Variants in ACTR3C observed in about 807,000 individuals in gnomAD.
The protein encoded by ACTR3C is actin related protein 3C.
ACTR3C carries 18 observed loss-of-function variants against 26.3 expected under a neutral mutation model. The ratio of observed to expected loss-of-function variants is 0.68; its 90% CI spans 0.47 to 1.01. The LOEUF (loss-of-function observed/expected upper bound fraction) is 1.01, where lower values mean the gene tolerates loss of function less well. ACTR3C is among the 50% of genes least tolerant of loss of function. The pLI is 0.00. For missense variants in ACTR3C, 184 were observed against 250.7 expected (o/e 0.73, Z 1.80); for synonymous variants, 55 against 94.5 (o/e 0.58, Z 2.42).
At chr7:149,978,592 A>C in the ACTR3C span, among the ~76,000 whole-genome samples, 28 of 152,360 alleles carry the variant, frequency 1.8e-4, no homozygotes, top group African/African-American at 6.7e-4. Context: ...TATGTCCCAG[A>C]AATGAATGAA....
At chr7:150,270,619 C>T (rs565986724) in intron 6 of ACTR3C, among the ~76,000 whole-genome samples, 27 of 152,008 alleles carry the variant, frequency 1.8e-4, no homozygotes, top group African/African-American at 5.3e-4. Context: ...GCCACCCCCC[C>T]GCCCTGCAGC....
chr7:149,881,586 T>G, the ACTR3C span: 78,700 of 152,502 alleles, frequency 0.52, 20,700 homozygotes, highest in Middle Eastern at 0.61. Flanking sequence ...GGCTGGGCGG[T>G]GGGGCGGATG....
chr7:150,286,244 C>G (rs1317513675), intron 5 of ACTR3C, 123 bp downstream of exon 5: 2 of 1,294,142 alleles, frequency 1.5e-6, no homozygotes, highest in Non-Finnish European at 2.1e-6. Flanking sequence ...ATGGGGGATG[C>G]AGAGAGACCG....
chr7:150,014,856 C>T, the ACTR3C span, among the ~76,000 whole-genome samples: 1 of 152,178 alleles, frequency 6.6e-6, no homozygotes, highest in Admixed American at 6.5e-5. Flanking sequence ...ACTGCAATAA[C>T]TGGGATTTGA....
intron 1 of ACTR3C, among the ~76,000 whole-genome samples, chr7:150,311,926 C>T (rs1796362639): frequency 6.6e-6 from 1 of 152,222 alleles, no homozygotes; most frequent in African/African-American, 2.4e-5. Flanking sequence ...CATAACCATG[C>T]TGCCATTTGG....
chr7:150,146,311 C>T, the ACTR3C span, among the ~76,000 whole-genome samples: 1 of 152,178 alleles, frequency 6.6e-6, no homozygotes, highest in Non-Finnish European at 1.5e-5. Flanking sequence ...TCTGTACGCC[C>T]AGGAAGCAGG....
chr7:150,312,641 C>T (rs753769030), intron 1 of ACTR3C, among the ~76,000 whole-genome samples: 37 of 152,236 alleles, frequency 2.4e-4, no homozygotes, highest in Non-Finnish European at 4.3e-4. Flanking sequence ...ACCTTAGACC[C>T]GAAACTTACT....
At chr7:149,907,478 T>TTCTCTCTCTC in the ACTR3C span, among the ~76,000 whole-genome samples, 7 of 97,676 alleles carry the variant, frequency 7.2e-5, no homozygotes, top group African/African-American at 1.4e-4. Context: ...CTCTCTTCTC[T>TTCTCTCTCTC]TCTCTCTCTC....
At chr7:150,080,699 T>C in the ACTR3C span, among the ~76,000 whole-genome samples, 1 of 152,146 alleles carries the variant, frequency 6.6e-6, no homozygotes. Flanking sequence ...TCACTCAGAC[T>C]CCACAGGAAA....
the ACTR3C span, among the ~76,000 whole-genome samples, chr7:150,025,682 G>A: frequency 4.3e-4 from 66 of 152,226 alleles, no homozygotes; most frequent in Non-Finnish European, 2.2e-4. Context: ...TCAAATCATA[G>A]TGGTAGTGAA....
the ACTR3C span, among the ~76,000 whole-genome samples, chr7:149,990,823 C>T: frequency 0.2 from 30,258 of 152,068 alleles, 3,294 homozygotes; most frequent in South Asian, 0.29. Context: ...TGGGCAGGCA[C>T]ATAATCTGTG....
rs572731239 is a variant in ACTR3C, at chr7:150,277,686, C to A, written c.564+7067G>T. On this transcript the variant is annotated intron_variant, in intron 6 of 7. Coordinates refer to ENST00000683684, the MANE Select transcript of ACTR3C (RefSeq NM_001164458.2). Reference sequence around the variant, plus strand: ...CCCTCCTAGATAAGCAGCAAGAACCCTGAACCTTTTCCTCCCACTTGTCAA... The same window carrying A: ...CCCTCCTAGATAAGCAGCAAGAACCATGAACCTTTTCCTCCCACTTGTCAA... Among the ~76,000 whole-genome samples, 3 of 152,218 alleles carry A rather than the reference C, an allele frequency of 2.0e-5. No homozygotes were observed. The East Asian group carries it at 5.8e-4, about 29-fold the overall frequency.
At chr7:149,889,700 T>A in the ACTR3C span, among the ~76,000 whole-genome samples, 4 of 152,006 alleles carry the variant, frequency 2.6e-5, no homozygotes, top group East Asian at 3.8e-4. Context: ...CCACAAAAAA[T>A]TTTTAAAAAT....
the ACTR3C span, among the ~76,000 whole-genome samples, chr7:150,077,844 G>T: frequency 1.3e-5 from 2 of 152,138 alleles, no homozygotes; most frequent in Non-Finnish European, 2.9e-5. Context: ...TCTTTCAATT[G>T]CCAGGAAAGA....
At chr7:150,042,707 G>T in the ACTR3C span, among the ~76,000 whole-genome samples, 2 of 151,824 alleles carry the variant, frequency 1.3e-5, no homozygotes, top group Non-Finnish European at 2.9e-5. Context: ...TTTGCTTCTT[G>T]TACTAGCAGG....
the ACTR3C span, among the ~76,000 whole-genome samples, chr7:150,167,986 C>T: frequency 2.7e-5 from 4 of 150,718 alleles, no homozygotes; most frequent in East Asian, 5.8e-4. Flanking sequence ...CTGAAATATA[C>T]CATGGAAGAG....
the ACTR3C span, among the ~76,000 whole-genome samples, chr7:150,095,068 T>C: frequency 6.8e-6 from 1 of 147,932 alleles, no homozygotes; most frequent in Non-Finnish European, 1.5e-5. Flanking sequence ...GCCAGCTCCC[T>C]GCTGTGGTCC....
intron 6 of ACTR3C, among the ~76,000 whole-genome samples, chr7:150,264,195 G>A (rs537229186): frequency 1.2e-4 from 19 of 152,332 alleles, no homozygotes; most frequent in East Asian, 3.9e-4. Flanking sequence ...TCCCTCATTC[G>A]CGCTGCTCCT....
chr7:150,168,974 A>G, the ACTR3C span, among the ~76,000 whole-genome samples: 16 of 150,688 alleles, frequency 1.1e-4, no homozygotes, highest in South Asian at 2.1e-4. Flanking sequence ...CCTAAAATTT[A>G]TATATTGAAT....
Sources: gnomAD v4.1 joint callset for allele counts (sites outside exome capture counted in the v4.1 genomes callset) on GRCh38, gnomAD v4.1.1 for gene constraint, MANE v1.5 for transcripts, NCBI Gene and HGNC (gene_info 2026-07-23, HGNC 2026-07-21) for gene names.